EIF3H: variants seen among roughly 807,000 people sequenced by gnomAD.
EIF3H encodes the protein eukaryotic translation initiation factor 3 subunit H.
EIF3H carries 26 observed loss-of-function variants against 44.2 expected under a neutral mutation model. The ratio of observed to expected loss-of-function variants is 0.59; its 90% CI spans 0.43 to 0.82. The LOEUF is 0.82. Ranked by LOEUF, EIF3H falls within the 40% of genes least tolerant of loss-of-function variation. The probability of loss-of-function intolerance (pLI) is 0.00; values close to 1 mark genes in which losing one functional copy is unlikely to be tolerated. For synonymous variants in EIF3H, 166 were observed against 151.9 expected (o/e 1.09, Z -0.68); for missense variants, 359 against 432.8 (o/e 0.83, Z 1.51).
At chr8:116,687,399 C>T (rs1814094733) in intron 2 of EIF3H, among the ~76,000 whole-genome samples, 1 of 152,148 alleles carries the variant, frequency 6.6e-6, no homozygotes, top group African/African-American at 2.4e-5. Flanking sequence ...CTCCATCTTA[C>T]TTGCTGAAAC....
In EIF3H at chr8:116,747,300, AG is replaced by A. The variant is rs1275027914; in HGVS notation, c.132+8365del. Among the ~76,000 whole-genome samples, 7 of 152,294 alleles carry A rather than the reference AG, an allele frequency of 4.6e-5. No individual in the cohort carries two copies. The East Asian group carries it at 1.4e-3, about 29-fold the overall frequency. The stretch of plus-strand genomic sequence containing the variant: ...AGGTTGGTCTCGAACTCCTGACCTC[AG>A]GTGATCCGCCCACCTCAGCCTGCCA... On this transcript the variant is annotated intron_variant, in intron 1 of 7. Coordinates refer to ENST00000521861, the MANE Select transcript of EIF3H (RefSeq NM_003756.3).
intron 1 of EIF3H, among the ~76,000 whole-genome samples, chr8:116,741,646 G>A (rs1284860397): frequency 6.6e-6 from 1 of 152,188 alleles, no homozygotes; most frequent in Non-Finnish European, 1.5e-5. Context: ...GCTTCTGGGA[G>A]GTAAGGCCCA....
chr8:116,677,172 T>C (rs1468542777), intron 2 of EIF3H, among the ~76,000 whole-genome samples: 4 of 152,192 alleles, frequency 2.6e-5, no homozygotes, highest in African/African-American at 7.2e-5. Context: ...TGAAATTATA[T>C]AGCTAATTTT....
chr8:116,735,467 A>G (rs1161272839), intron 1 of EIF3H, among the ~76,000 whole-genome samples: 1 of 152,208 alleles, frequency 6.6e-6, no homozygotes, highest in African/African-American at 2.4e-5. Context: ...ACAAATGTTC[A>G]TGGTAGCATT....
intron 2 of EIF3H, among the ~76,000 whole-genome samples, chr8:116,697,910 T>C (rs1161177983): frequency 2.0e-5 from 3 of 152,230 alleles, no homozygotes; most frequent in African/African-American, 7.2e-5. Flanking sequence ...GAACTAATAA[T>C]TGTACCAAGA....
intron 1 of EIF3H, among the ~76,000 whole-genome samples, chr8:116,728,020 G>A (rs1186813294): frequency 6.6e-6 from 1 of 152,160 alleles, no homozygotes; most frequent in Non-Finnish European, 1.5e-5. Flanking sequence ...AAGCTGGAAA[G>A]TCACTGAAAT....
intron 2 of EIF3H, among the ~76,000 whole-genome samples, chr8:116,687,867 G>T (rs1218258170): frequency 6.6e-6 from 1 of 152,042 alleles, no homozygotes; most frequent in East Asian, 1.9e-4. Flanking sequence ...GAATGAATCA[G>T]TTCTGACTAC....
intron 2 of EIF3H, among the ~76,000 whole-genome samples, chr8:116,694,385 G>A (rs972797274): frequency 6.6e-6 from 1 of 152,108 alleles, no homozygotes; most frequent in African/African-American, 2.4e-5. Flanking sequence ...ACATGTAAGT[G>A]CCATTTGTAT....
At chr8:116,711,462 G>C (rs1419501172) in intron 2 of EIF3H, among the ~76,000 whole-genome samples, 1 of 152,086 alleles carries the variant, frequency 6.6e-6, no homozygotes. Context: ...AAAATATTAA[G>C]AAGAAACAAT....
intron 2 of EIF3H, among the ~76,000 whole-genome samples, chr8:116,723,414 A>G (rs1236057603): frequency 6.8e-6 from 1 of 146,966 alleles, no homozygotes; most frequent in East Asian, 1.9e-4. Context: ...TGAAATAGGG[A>G]GAGCATAGCC....
intron 1 of EIF3H, among the ~76,000 whole-genome samples, chr8:116,738,144 CA>C (rs1438537775): frequency 2.7e-5 from 4 of 149,554 alleles, no homozygotes; most frequent in African/African-American, 7.6e-5. Flanking sequence ...ATTCAAAAAG[CA>C]TCAAAAAAAA....
At chr8:116,685,764 A>T (rs776310606) in intron 2 of EIF3H, among the ~76,000 whole-genome samples, 1 of 152,172 alleles carries the variant, frequency 6.6e-6, no homozygotes, top group African/African-American at 2.4e-5. Context: ...TCGACCATAA[A>T]CAGCAACAAC....
intron 2 of EIF3H, among the ~76,000 whole-genome samples, chr8:116,667,746 GCA>G (rs1485729116): frequency 6.6e-6 from 1 of 152,114 alleles, no homozygotes; most frequent in Non-Finnish European, 1.5e-5. Flanking sequence ...CATTTACTGG[GCA>G]CTGCTTGCAC....
chr8:116,662,413 C>G (rs1345212032), intron 2 of EIF3H, among the ~76,000 whole-genome samples: 1 of 152,122 alleles, frequency 6.6e-6, no homozygotes, highest in Non-Finnish European at 1.5e-5. Context: ...CATGACTGCT[C>G]CTATGAAGCG....
intron 2 of EIF3H, among the ~76,000 whole-genome samples, chr8:116,708,786 C>G (rs1385490900): frequency 6.6e-6 from 1 of 151,678 alleles, no homozygotes; most frequent in African/African-American, 2.4e-5. Flanking sequence ...TGAATTATAC[C>G]AAACATCCTT....
rs187629612 is a variant in EIF3H, at chr8:116,647,347, G to A, written c.829-744C>T. 4.6e-3 allele frequency among the ~76,000 whole-genome samples: 698 copies of A among 152,226 alleles called. 8 individuals carry two copies. The highest frequency in any genetic ancestry group is 0.016 in the African/African-American group (644 of 41,538). On this transcript the variant is annotated intron_variant, in intron 6 of 7. Transcript: ENST00000521861. ...AAACCCCTGACCTCGTGATCCACCCGCCTCGGCCTCCCCAAGTGCTGGGAT... is the reference window on the plus strand; with the variant it reads ...AAACCCCTGACCTCGTGATCCACCCACCTCGGCCTCCCCAAGTGCTGGGAT...
intron 2 of EIF3H, among the ~76,000 whole-genome samples, chr8:116,665,988 T>C (rs1299920047): frequency 6.6e-6 from 1 of 152,194 alleles, no homozygotes; most frequent in Admixed American, 6.5e-5. Flanking sequence ...GTACCACATA[T>C]TCCTCTCGTT....
At chr8:116,661,922 A>G (rs966851975) in intron 2 of EIF3H, among the ~76,000 whole-genome samples, 2 of 152,218 alleles carry the variant, frequency 1.3e-5, no homozygotes, top group Non-Finnish European at 2.9e-5. Context: ...CACTCCTCCA[A>G]CATATTTCTG....
At chr8:116,763,000 T>A (rs576650889) in intron 1 of EIF3H, among the ~76,000 whole-genome samples, 36 of 152,286 alleles carry the variant, frequency 2.4e-4, no homozygotes, top group Non-Finnish European at 4.6e-4. Context: ...TCTGGGCACA[T>A]TACACTCCAG....
Sources: allele counts gnomAD v4.1 joint callset (sites outside exome capture counted in the v4.1 genomes callset), GRCh38; gene constraint gnomAD v4.1.1; transcripts MANE v1.5; gene names NCBI Gene and HGNC (gene_info 2026-07-23, HGNC 2026-07-21).